DCDC1: variants seen among roughly 807,000 people sequenced by gnomAD.
The protein encoded by DCDC1 is doublecortin domain-containing protein 1.
Under a neutral mutation model 178.3 loss-of-function variants are expected in DCDC1, and 200 were observed. The ratio of observed to expected loss-of-function variants is 1.12; its 90% CI spans 1.00 to 1.26. The LOEUF (loss-of-function observed/expected upper bound fraction) is 1.26, where lower values mean the gene tolerates loss of function less well. Ranked by LOEUF, DCDC1 falls within the 50% of genes most tolerant of loss-of-function variation. DCDC1 has a pLI of 0.00. For synonymous variants in DCDC1, 690 were observed against 604.8 expected, an observed-to-expected ratio of 1.14 and a Z score of -2.07; for missense variants, 1,983 against 1,749.2, an observed-to-expected ratio of 1.13 and a Z score of -2.38.
chr11:31,187,130 G>T lies in DCDC1; in HGVS notation c.1222-49346C>A, dbSNP rs74374237. Among the ~76,000 whole-genome samples the T allele has an allele frequency of 7.2e-3, 1,095 of 152,266 alleles. 5 individuals are homozygous for T. Among genetic ancestry groups the T allele is most frequent in the Non-Finnish European group, 9.8e-3 (669 of 68,010 alleles). On this transcript the variant is annotated intron_variant, in intron 9 of 38. Coordinates refer to ENST00000684477, the MANE Select transcript of DCDC1 (RefSeq NM_001387274.1). ...ATACATATCCAGAATGTAAAAATTT[G>T]GAACTTGTTTGAGAACACTTTATTT...
chr11:31,369,133 TG>T (rs1417936268), intron 1 of DCDC1, among the ~76,000 whole-genome samples: 2 of 152,210 alleles, frequency 1.3e-5, no homozygotes, highest in Non-Finnish European at 1.5e-5. Context: ...CCCAACTAGC[TG>T]TTTGGCCTTG....
intron 9 of DCDC1, among the ~76,000 whole-genome samples, chr11:31,141,828 A>G (rs894405852): frequency 6.6e-6 from 1 of 152,256 alleles, no homozygotes; most frequent in Non-Finnish European, 1.5e-5. Context: ...ATGGAGAAGA[A>G]GTAGTTTGCA....
chr11:31,033,892 C>T (rs1298792096), intron 20 of DCDC1, among the ~76,000 whole-genome samples: 1 of 137,468 alleles, frequency 7.3e-6, no homozygotes, highest in African/African-American at 2.8e-5. Flanking sequence ...TGTAATCAAT[C>T]CCAGCACTGT....
intron 9 of DCDC1, among the ~76,000 whole-genome samples, chr11:31,156,690 A>C (rs2136132175): frequency 6.6e-6 from 1 of 152,318 alleles, no homozygotes; most frequent in African/African-American, 2.4e-5. Flanking sequence ...AGCATAGCCC[A>C]GGGACAGGTC....
At chr11:30,922,089 T>C (rs889015304) in intron 24 of DCDC1, among the ~76,000 whole-genome samples, 2 of 152,156 alleles carry the variant, frequency 1.3e-5, no homozygotes, top group African/African-American at 4.8e-5. Context: ...CTTCAGACAG[T>C]AGAGCCCAGG....
intron 7 of DCDC1, among the ~76,000 whole-genome samples, chr11:31,269,410 T>C (rs775071140): frequency 6.6e-6 from 1 of 151,388 alleles, no homozygotes; most frequent in Non-Finnish European, 1.5e-5. Context: ...TGAGACAGAG[T>C]CTTGCTCTGT....
chr11:31,107,995 A>C (rs1433356942), intron 12 of DCDC1, among the ~76,000 whole-genome samples: 1 of 152,040 alleles, frequency 6.6e-6, no homozygotes, highest in Non-Finnish European at 1.5e-5. Flanking sequence ...ATCCCCATTG[A>C]GGGTATATTG....
rs559549623 is a variant in DCDC1, at chr11:31,361,740, C to T, written c.-125+7957G>A. On this transcript the variant is annotated intron_variant, in intron 1 of 38. Coordinates refer to ENST00000684477, the MANE Select transcript of DCDC1 (RefSeq NM_001387274.1). Reference sequence around the variant, plus strand: ...GAGTGATCCACCCACCTCAGCCTCCCAAAGTGCTGGGATTACAGGCGTGAG... The same window carrying T: ...GAGTGATCCACCCACCTCAGCCTCCTAAAGTGCTGGGATTACAGGCGTGAG... Among the ~76,000 whole-genome samples, 7 of 152,324 alleles carry T rather than the reference C, an allele frequency of 4.6e-5. No homozygotes were observed. In the East Asian group the frequency reaches 9.6e-4, roughly 21 times the overall value.
At chr11:31,141,401 G>T (rs954288606) in intron 9 of DCDC1, among the ~76,000 whole-genome samples, 3 of 152,098 alleles carry the variant, frequency 2.0e-5, no homozygotes, top group African/African-American at 7.2e-5. Flanking sequence ...TCATTGCTCT[G>T]AACTATAGTT....
chr11:31,367,247 T>G (rs1454366042), intron 1 of DCDC1, among the ~76,000 whole-genome samples: 2 of 152,234 alleles, frequency 1.3e-5, no homozygotes, highest in Non-Finnish European at 2.9e-5. Flanking sequence ...TGCAGTGAGC[T>G]GAGATCATGC....
Position 31,251,599 on chromosome 11 carries a change from G to C in DCDC1, c.1055-9983C>G, listed in dbSNP as rs1341446356. Among the ~76,000 whole-genome samples, 5 of 151,930 alleles carry C rather than the reference G, an allele frequency of 3.3e-5. No individual in the cohort carries two copies. In the East Asian group the frequency reaches 9.7e-4, roughly 29 times the overall value. The stretch of plus-strand genomic sequence containing the variant: ...GAACCAATTCCTTAAAACAAATTAA[G>C]AGAGAGACAGAGAAACAGAGAGAGA... On this transcript the variant is annotated intron_variant, in intron 8 of 38. Transcript: ENST00000684477.
chr11:31,018,220 T>C (rs1315757983), intron 20 of DCDC1, among the ~76,000 whole-genome samples: 1 of 152,244 alleles, frequency 6.6e-6, no homozygotes, highest in Non-Finnish European at 1.5e-5. Context: ...TTAATGGCGT[T>C]TATACCTATT....
At chr11:31,229,005 T>C (rs1288836138) in intron 9 of DCDC1, among the ~76,000 whole-genome samples, 2 of 152,064 alleles carry the variant, frequency 1.3e-5, no homozygotes, top group African/African-American at 4.8e-5. Flanking sequence ...TATAGCCATA[T>C]AACAGACCTG....
chr11:31,274,002 T>C (rs1258914886), intron 7 of DCDC1, among the ~76,000 whole-genome samples: 1 of 152,110 alleles, frequency 6.6e-6, no homozygotes, highest in Non-Finnish European at 1.5e-5. Context: ...ATGACTCAAT[T>C]ACCTCCCACC....
At chr11:30,920,241 T>G (rs1429750186) in intron 25 of DCDC1, among the ~76,000 whole-genome samples, 1 of 152,184 alleles carries the variant, frequency 6.6e-6, no homozygotes, top group Non-Finnish European at 1.5e-5. Context: ...GGCCTTGGGA[T>G]TCCAGATGAA....
chr11:31,194,341 C>T (rs902537485), intron 9 of DCDC1, among the ~76,000 whole-genome samples: 1 of 151,882 alleles, frequency 6.6e-6, no homozygotes, highest in African/African-American at 2.4e-5. Flanking sequence ...TGAACCAATA[C>T]GAATTGTTTT....
intron 9 of DCDC1, among the ~76,000 whole-genome samples, chr11:31,220,423 T>A (rs1453307480): frequency 6.6e-6 from 1 of 152,204 alleles, no homozygotes. Flanking sequence ...GATGTAAACA[T>A]CATCACTGAC....
At chr11:31,303,195 T>C (rs1435401148) in intron 6 of DCDC1, among the ~76,000 whole-genome samples, 1 of 152,218 alleles carries the variant, frequency 6.6e-6, no homozygotes, top group East Asian at 1.9e-4. Flanking sequence ...CCACAGCTTT[T>C]ATCTTTCTCT....
chr11:31,295,893 G>C (rs1234547971), intron 6 of DCDC1, among the ~76,000 whole-genome samples: 1 of 151,980 alleles, frequency 6.6e-6, no homozygotes, highest in African/African-American at 2.4e-5. Flanking sequence ...TTTCCAACCA[G>C]ACCCATTTGT....
Sources: allele counts gnomAD v4.1 joint callset (sites outside exome capture counted in the v4.1 genomes callset), GRCh38; gene constraint gnomAD v4.1.1; transcripts MANE v1.5; gene names NCBI Gene and HGNC (gene_info 2026-07-23, HGNC 2026-07-21).